PHACTR3: variants seen among roughly 807,000 people sequenced by gnomAD.
The protein encoded by PHACTR3 is protein phosphatase 1, regulatory subunit 123.
A neutral mutation model predicts 66.8 loss-of-function variants in PHACTR3; 16 were observed. That is an observed-to-expected ratio of 0.24 (90% CI 0.16 to 0.36). The LOEUF is 0.36. PHACTR3 is among the 10% of genes least tolerant of loss of function. The pLI is 1.00. For missense variants in PHACTR3, 647 were observed against 719.9 expected (o/e 0.90, Z 1.16); for synonymous variants, 323 against 292.1 (o/e 1.11, Z -1.08).
At chr20:59,583,069 G>A (rs1189038043) in intron 1 of PHACTR3, among the ~76,000 whole-genome samples, 1 of 152,146 alleles carries the variant, frequency 6.6e-6, no homozygotes, top group Non-Finnish European at 1.5e-5. Flanking sequence ...TCCTCAGCCG[G>A]GGGCATACCA....
intron 1 of PHACTR3, among the ~76,000 whole-genome samples, chr20:59,585,716 G>A (rs903615144): frequency 6.6e-6 from 1 of 152,212 alleles, no homozygotes; most frequent in Non-Finnish European, 1.5e-5. Flanking sequence ...GTGGGGAGGT[G>A]GGGTTGGTGG....
intron 7 of PHACTR3, among the ~76,000 whole-genome samples, chr20:59,804,566 T>C (rs1373466628): frequency 1.3e-5 from 2 of 152,210 alleles, no homozygotes; most frequent in Non-Finnish European, 2.9e-5. Flanking sequence ...ATTCAGTCTC[T>C]CTCATAACAT....
intron 11 of PHACTR3, 55 bp from the exon 12 acceptor site, chr20:59,845,134 A>C: frequency 1.8e-6 from 2 of 1,110,094 alleles, no homozygotes; most frequent in Non-Finnish European, 2.7e-6. Flanking sequence ...ACACGATGCT[A>C]ATTTCCTGAT....
intron 1 of PHACTR3, among the ~76,000 whole-genome samples, chr20:59,732,408 G>T (rs1166702731): frequency 6.6e-6 from 1 of 152,204 alleles, no homozygotes; most frequent in African/African-American, 2.4e-5. Context: ...TGAACATGCA[G>T]AAGGTTTTGG....
At chr20:59,656,283 T>G (rs866465460) in intron 1 of PHACTR3, among the ~76,000 whole-genome samples, 2 of 151,952 alleles carry the variant, frequency 1.3e-5, no homozygotes, top group African/African-American at 4.8e-5. Context: ...TTATTTTCCC[T>G]TTAACTCTAT....
At chr20:59,749,446 G>A (rs1433445841) in intron 3 of PHACTR3, among the ~76,000 whole-genome samples, 1 of 152,214 alleles carries the variant, frequency 6.6e-6, no homozygotes, top group African/African-American at 2.4e-5. Flanking sequence ...AGATGACTTT[G>A]TCTGATGAAG....
At chr20:59,678,338 T>C (rs534963746) in intron 1 of PHACTR3, among the ~76,000 whole-genome samples, 5 of 152,274 alleles carry the variant, frequency 3.3e-5, no homozygotes, top group Admixed American at 1.3e-4. Flanking sequence ...ATTTTTAAAG[T>C]ATAAAATACC....
In PHACTR3 at chr20:59,751,691, G is replaced by A. The variant is rs75071685; in HGVS notation, c.359-3491G>A. 2.6e-5 allele frequency among the ~76,000 whole-genome samples: 4 copies of A among 152,108 alleles called. No individual in the cohort carries two copies. The East Asian group carries it at 5.8e-4, about 22-fold the overall frequency. On this transcript the variant is annotated intron_variant, in intron 3 of 12. Coordinates refer to ENST00000371015, the MANE Select transcript of PHACTR3 (RefSeq NM_080672.5). ...AACCACTGTGACCCCCTCCCCTCTCGTTCCTGTGACTCTAGTCGCCAGCTT... is the reference window on the plus strand; with the variant it reads ...AACCACTGTGACCCCCTCCCCTCTCATTCCTGTGACTCTAGTCGCCAGCTT...
intron 1 of PHACTR3, among the ~76,000 whole-genome samples, chr20:59,661,368 G>A (rs1005028059): frequency 2.6e-5 from 4 of 152,148 alleles, no homozygotes; most frequent in African/African-American, 9.7e-5. Context: ...GGGGAAGGGG[G>A]GAGCATGCAC....
At chr20:59,840,295 TCCCTGCTGAAGAGAAGAACG>T in intron 9 of PHACTR3, 54 bp from the exon 10 acceptor site, 2 of 1,554,742 alleles carry the variant, frequency 1.3e-6, no homozygotes, top group Admixed American at 4.1e-5. Context: ...TGGGAACACT[TCCCTGCTGAAGAGAAGAACG>T]TTTCAACCTG....
chr20:59,670,287 C>G (rs2036145205), intron 1 of PHACTR3, among the ~76,000 whole-genome samples: 1 of 152,180 alleles, frequency 6.6e-6, no homozygotes, highest in African/African-American at 2.4e-5. Context: ...GAAGATGTCT[C>G]TCTGGGCAGG....
intron 1 of PHACTR3, among the ~76,000 whole-genome samples, chr20:59,691,373 A>C (rs545446739): frequency 1.3e-5 from 2 of 152,342 alleles, no homozygotes; most frequent in African/African-American, 4.8e-5. Context: ...TTTCTATTTT[A>C]GATTGCCATC....
intron 1 of PHACTR3, among the ~76,000 whole-genome samples, chr20:59,700,992 A>G (rs1181010962): frequency 2.0e-5 from 3 of 151,554 alleles, no homozygotes; most frequent in Admixed American, 2.0e-4. Context: ...GGGTCTCACT[A>G]CATTGCCCAG....
At chr20:59,789,553 A>C (rs2041027546) in intron 7 of PHACTR3, among the ~76,000 whole-genome samples, 1 of 152,224 alleles carries the variant, frequency 6.6e-6, no homozygotes, top group Non-Finnish European at 1.5e-5. Context: ...ACCAAAATGG[A>C]CCTGCAGTTA....
chr20:59,846,276 A>T (rs142505026), intron 12 of PHACTR3, among the ~76,000 whole-genome samples: 2 of 152,306 alleles, frequency 1.3e-5, no homozygotes, highest in African/African-American at 4.8e-5. Flanking sequence ...TGGCTATAGA[A>T]CAGAAACTAA....
intron 1 of PHACTR3, among the ~76,000 whole-genome samples, chr20:59,694,792 C>T (rs770843461): frequency 2.0e-5 from 3 of 152,086 alleles, no homozygotes; most frequent in Non-Finnish European, 4.4e-5. Context: ...CTAGGATCCT[C>T]AGCATGGAAG....
At chr20:59,778,859 G>A (rs952291874) in intron 7 of PHACTR3, among the ~76,000 whole-genome samples, 2 of 152,182 alleles carry the variant, frequency 1.3e-5, no homozygotes, top group African/African-American at 4.8e-5. Context: ...CCCAGTGTCT[G>A]TAAGTGAACA....
At chr20:59,804,915 C>T (rs895437052) in intron 7 of PHACTR3, among the ~76,000 whole-genome samples, 1 of 152,310 alleles carries the variant, frequency 6.6e-6, no homozygotes, top group Admixed American at 6.5e-5. Flanking sequence ...ATAAAACCTG[C>T]CTTCATCTAT....
chr20:59,811,164 A>G (rs1163906233), intron 8 of PHACTR3, among the ~76,000 whole-genome samples: 1 of 152,234 alleles, frequency 6.6e-6, no homozygotes, highest in Non-Finnish European at 1.5e-5. Flanking sequence ...GCTGCCGTGC[A>G]GTGAGATAGG....
Sources: gnomAD v4.1 joint callset for allele counts (sites outside exome capture counted in the v4.1 genomes callset) on GRCh38, gnomAD v4.1.1 for gene constraint, MANE v1.5 for transcripts, NCBI Gene and HGNC (gene_info 2026-07-23, HGNC 2026-07-21) for gene names.